TMEM168: variants seen among roughly 807,000 people sequenced by gnomAD.
TMEM168 encodes transmembrane protein 168.
Under a neutral mutation model 53.2 loss-of-function variants are expected in TMEM168, and 40 were observed. The observed-to-expected ratio is 0.75, with a 90% CI of 0.58 to 0.98. TMEM168 has a LOEUF of 0.98. TMEM168 is among the 50% of genes least tolerant of loss of function. The probability of loss-of-function intolerance (pLI) is 0.00; values close to 1 mark genes in which losing one functional copy is unlikely to be tolerated. For missense variants in TMEM168, 771 were observed against 828.8 expected, an observed-to-expected ratio of 0.93 and a Z score of 0.86; for synonymous variants, 282 against 293.0, an observed-to-expected ratio of 0.96 and a Z score of 0.38.
At chr7:112,769,491 T>C (rs1388262122) in intron 4 of TMEM168, among the ~76,000 whole-genome samples, 1 of 152,154 alleles carries the variant, frequency 6.6e-6, no homozygotes, top group African/African-American at 2.4e-5. Flanking sequence ...TCCACAACTA[T>C]TTCAATAAAC....
intron 3 of TMEM168, among the ~76,000 whole-genome samples, chr7:112,774,114 C>G (rs1402141526): frequency 6.6e-6 from 1 of 152,106 alleles, no homozygotes; most frequent in Admixed American, 6.5e-5. Flanking sequence ...TCCTCTCCCC[C>G]AGGGAAAGTG....
rs1233857054 is a variant in TMEM168, at chr7:112,765,175, T to TTTTG, written c.*2018_*2021dup. Reference sequence around the variant, plus strand: ...CCATCCCAAAAAGTCATTTATTGTTTTTTGTTTGTTTGGGTAGGAGAATTC... The same window carrying TTTTG: ...CCATCCCAAAAAGTCATTTATTGTTTTTTGTTTGTTTGTTTGGGTAGGAGAATTC... On this transcript the variant is annotated 3_prime_UTR_variant, in exon 5 of 5. Transcript: ENST00000312814. The TTTTG allele has an allele frequency of 2.6e-5, 4 of 152,182 alleles. No individual in the cohort carries two copies. The highest frequency in any genetic ancestry group is 4.1e-4 in the South Asian group (2 of 4,828). The allele number at this position is 152,182 out of a possible 1,614,324, so 9.4% of individuals were successfully genotyped here. A position where few individuals can be genotyped will look rare whatever the true frequency, so the allele number is the denominator to read the frequency against.
rs1206483384 is a variant in TMEM168, at chr7:112,766,870, T to C, written c.*327A>G. The C allele has an allele frequency of 3.7e-5, 8 of 217,562 alleles. No homozygotes were observed. The highest frequency in any genetic ancestry group is 6.3e-5 in the Non-Finnish European group (7 of 110,258). The allele number at this position is 217,562 out of a possible 1,614,324, so 13.5% of individuals were successfully genotyped here. A position where few individuals can be genotyped will look rare whatever the true frequency, so the allele number is the denominator to read the frequency against. ...ATTATATGCCTAGAAAATAAGGCAT[T>C]AGTAATTCATCATTGACCATTGCAG... On this transcript the variant is annotated 3_prime_UTR_variant, in exon 5 of 5. Transcript: ENST00000312814.
chr7:112,775,850 T>C (rs1793068177), intron 2 of TMEM168, among the ~76,000 whole-genome samples: 1 of 152,126 alleles, frequency 6.6e-6, no homozygotes, highest in Non-Finnish European at 1.5e-5. Context: ...ATAGTTTACC[T>C]TATAAAGCAC....
chr7:112,783,912 C>T lies in TMEM168; in HGVS notation c.914G>A (p.Trp305Ter). The change falls in exon 2 of 5, where the codon TGG becomes TAG. Residue 305 changes from tryptophan to a stop codon, truncating the protein, a stop_gained. Coordinates refer to ENST00000312814, the MANE Select transcript of TMEM168 (RefSeq NM_022484.6). LOFTEE classifies it high-confidence loss of function. ...IPGFSIFGIF[W>*]MICHIIFLLT... Reference sequence around the variant, plus strand: ...AAGAAAAATAATATGACAAATCATCCAGAAAATTCCAAAAATGGAAAAGCC... The same window carrying T: ...AAGAAAAATAATATGACAAATCATCTAGAAAATTCCAAAAATGGAAAAGCC... 6.3e-7 allele frequency: 1 copy of T among 1,596,716 alleles called. No individual in the cohort carries two copies. Among genetic ancestry groups the T allele is most frequent in the Non-Finnish European group, 8.5e-7 (1 of 1,175,494 alleles).
At chr7:112,767,863 G>T in intron 4 of TMEM168, 119 bp from the exon 5 acceptor site, 1 of 844,766 alleles carries the variant, frequency 1.2e-6, no homozygotes, top group Non-Finnish European at 1.7e-6. Context: ...TTTTCCTTAA[G>T]TTCTTAGAAT....
chr7:112,781,703 A>T (rs910061780), intron 2 of TMEM168, among the ~76,000 whole-genome samples: 4 of 142,530 alleles, frequency 2.8e-5, no homozygotes, highest in East Asian at 4.0e-4. Flanking sequence ...TCTATATATT[A>T]AAAAAAAAAA....
At chr7:112,776,654 G>C (rs932815809) in intron 2 of TMEM168, among the ~76,000 whole-genome samples, 1 of 151,538 alleles carries the variant, frequency 6.6e-6, no homozygotes, top group African/African-American at 2.4e-5. Flanking sequence ...AAAGATATGT[G>C]ATTAAAATCA....
At chr7:112,774,457 A>G (rs913766135) in intron 3 of TMEM168, among the ~76,000 whole-genome samples, 3 of 151,424 alleles carry the variant, frequency 2.0e-5, no homozygotes, top group Non-Finnish European at 4.4e-5. Flanking sequence ...AAGACAGATA[A>G]TAAGGTTCAG....
rs566077327 is a variant in TMEM168 at position 112,783,265 on chromosome 7, A to T, written c.1128+433T>A. 5.3e-5 allele frequency among the ~76,000 whole-genome samples: 8 copies of T among 152,338 alleles called. No homozygotes were observed. In the South Asian group the frequency reaches 1.7e-3, roughly 32 times the overall value. ...TGGCTGCATAAAAGAAACATGTTAC[A>T]GTGAGGAGTCCAGGGAATAGACAGA... On this transcript the variant is annotated intron_variant, in intron 2 of 4. Transcript: ENST00000312814.
intron 2 of TMEM168, among the ~76,000 whole-genome samples, chr7:112,782,863 A>G (rs1255968160): frequency 6.6e-6 from 1 of 152,194 alleles, no homozygotes; most frequent in Non-Finnish European, 1.5e-5. Flanking sequence ...TCCCAGTCTG[A>G]TGTACACAGA....
chr7:112,770,720 ATACT>A (rs1027187492), intron 4 of TMEM168, among the ~76,000 whole-genome samples: 1 of 152,196 alleles, frequency 6.6e-6, no homozygotes, highest in African/African-American at 2.4e-5. Flanking sequence ...TCTTTAAGAA[ATACT>A]TAATGAATTT....
At chr7:112,768,713 C>T (rs1792852675) in intron 4 of TMEM168, among the ~76,000 whole-genome samples, 1 of 152,022 alleles carries the variant, frequency 6.6e-6, no homozygotes, top group African/African-American at 2.4e-5. Flanking sequence ...AACTGCCACC[C>T]TCACCTCATC....
In TMEM168 at chr7:112,767,665, GATA is replaced by G. The variant is rs1562859467; in HGVS notation, c.1623_1625del (p.Ile542del). 6.2e-7 allele frequency: 1 copy of G among 1,613,794 alleles called. No individual in the cohort carries two copies. The highest frequency in any genetic ancestry group is 2.2e-5 in the East Asian group (1 of 44,878). ...GGGTTGAATTTTCGCTGTCTAATAC[GATA>G]ATAAGCCGGGAACAAAAGGAACCAT... On this transcript the variant is annotated inframe_deletion, in exon 5 of 5. Coordinates refer to ENST00000312814, the MANE Select transcript of TMEM168 (RefSeq NM_022484.6).
In TMEM168 at chr7:112,765,465, T is replaced by TGAGA. The variant is rs1792751468; in HGVS notation, c.*1728_*1731dup. ...TAAAGCTAACCTGCTCACAAATAGCTGAGAAATTTAAAAGGAGATTTTACT... is the reference window on the plus strand; with the variant it reads ...TAAAGCTAACCTGCTCACAAATAGCTGAGAGAGAAATTTAAAAGGAGATTTTACT... On this transcript the variant is annotated 3_prime_UTR_variant, in exon 5 of 5. Transcript: ENST00000312814. 1 of 152,212 alleles carries TGAGA rather than the reference T, an allele frequency of 6.6e-6. No individual in the cohort carries two copies. The highest frequency in any genetic ancestry group is 6.5e-5 in the Admixed American group (1 of 15,280). 9.4% of individuals were successfully genotyped at this position (152,212 alleles called of 1,614,324 possible).
At chr7:112,772,629 A>C in intron 4 of TMEM168, 152 bp downstream of exon 4, 1 of 746,764 alleles carries the variant, frequency 1.3e-6, no homozygotes, top group Non-Finnish European at 2.1e-6. Flanking sequence ...TAGGCTAAAC[A>C]GGTATGCTAG....
intron 2 of TMEM168, chr7:112,778,245 C>T (rs980098904): frequency 6.6e-6 from 1 of 152,112 alleles, no homozygotes; most frequent in African/African-American, 2.4e-5. Flanking sequence ...TTCTGGAGGC[C>T]CTGGGCTTGG....
intron 2 of TMEM168, among the ~76,000 whole-genome samples, chr7:112,777,091 A>G (rs1793105205): frequency 6.6e-6 from 1 of 152,070 alleles, no homozygotes; most frequent in African/African-American, 2.4e-5. Context: ...AGTTTCAATG[A>G]AAGTCTTTTG....
rs2116201732 is a variant in TMEM168, at chr7:112,765,457, CAAAT to C, written c.*1736_*1739del. The C allele has an allele frequency of 6.6e-6, 1 of 152,214 alleles. No homozygotes were observed. The highest frequency in any genetic ancestry group is 2.1e-4 in the South Asian group (1 of 4,828). 9.4% of individuals were successfully genotyped at this position (152,214 alleles called of 1,614,324 possible). A position where few individuals can be genotyped will look rare whatever the true frequency, so the allele number is the denominator to read the frequency against. On this transcript the variant is annotated 3_prime_UTR_variant, in exon 5 of 5. Coordinates refer to ENST00000312814, the MANE Select transcript of TMEM168 (RefSeq NM_022484.6). Reference sequence around the variant, plus strand: ...TAATGCTTTAAAGCTAACCTGCTCACAAATAGCTGAGAAATTTAAAAGGAGATTT... The same window carrying C: ...TAATGCTTTAAAGCTAACCTGCTCACAGCTGAGAAATTTAAAAGGAGATTT...
Sources: allele counts gnomAD v4.1 joint callset (sites outside exome capture counted in the v4.1 genomes callset), GRCh38; gene constraint gnomAD v4.1.1; transcripts MANE v1.5; gene names NCBI Gene and HGNC (gene_info 2026-07-23, HGNC 2026-07-21).